LRRK2: variants seen among roughly 807,000 people sequenced by gnomAD.
LRRK2 encodes leucine-rich repeat serine/threonine-protein kinase 2.
In LRRK2, 203 loss-of-function variants were observed where a neutral mutation model predicts 302.6. The ratio of observed to expected loss-of-function variants is 0.67; its 90% CI spans 0.60 to 0.75. LRRK2 has a LOEUF of 0.75. LRRK2 is among the 30% of genes least tolerant of loss of function. LRRK2 has a pLI of 0.00. For synonymous variants in LRRK2, 1,066 were observed against 1,031.9 expected, an observed-to-expected ratio of 1.03 and a Z score of -0.63; for missense variants, 2,830 against 2,951.0, an observed-to-expected ratio of 0.96 and a Z score of 0.95.
chr12:40,295,742 T>C (rs559634727), intron 23 of LRRK2, 98 bp downstream of exon 23: 65 of 1,190,152 alleles, frequency 5.5e-5, no homozygotes, highest in Middle Eastern at 2.3e-4. Flanking sequence ...AACATTCTAC[T>C]TTTGTGTCAC....
intron 8 of LRRK2, among the ~76,000 whole-genome samples, chr12:40,250,547 G>A (rs774659542): frequency 6.6e-5 from 10 of 152,178 alleles, no homozygotes; most frequent in Non-Finnish European, 1.3e-4. Flanking sequence ...GGATGTGCAG[G>A]TTTTTCACAT....
chr12:40,318,514 G>GA (rs1324148206), intron 33 of LRRK2, among the ~76,000 whole-genome samples: 1 of 152,038 alleles, frequency 6.6e-6, no homozygotes, highest in Non-Finnish European at 1.5e-5. Flanking sequence ...CTATGATACA[G>GA]ATGAAGAAAT....
intron 20 of LRRK2, among the ~76,000 whole-genome samples, chr12:40,288,559 C>T (rs1555183199): frequency 6.6e-6 from 1 of 151,848 alleles, no homozygotes; most frequent in Non-Finnish European, 1.5e-5. Flanking sequence ...TGTTCTACCC[C>T]CACCAGCAGT....
chr12:40,269,127 C>T (rs904591285), intron 14 of LRRK2, among the ~76,000 whole-genome samples: 1 of 152,090 alleles, frequency 6.6e-6, no homozygotes, highest in African/African-American at 2.4e-5. Flanking sequence ...ATTAAAATGC[C>T]ATGTTTTCTG....
rs868475932 is a variant in LRRK2, at chr12:40,339,442, A to G, written c.5949-852A>G. ...CTCTTTGACCATGTTTCCAGAATGG[A>G]TAAGACCTGGTTGAGATGAAAACTT... On this transcript the variant is annotated intron_variant, in intron 40 of 50. Transcript: ENST00000298910. 3.3e-5 allele frequency among the ~76,000 whole-genome samples: 5 copies of G among 152,312 alleles called. No individual in the cohort carries two copies. The East Asian group carries it at 9.6e-4, about 29-fold the overall frequency.
intron 31 of LRRK2, 119 bp downstream of exon 31, chr12:40,310,768 G>A: frequency 1.0e-6 from 1 of 956,508 alleles, no homozygotes; most frequent in Non-Finnish European, 1.6e-6. Context: ...CCTTGTTGCT[G>A]TTAGCATTAT....
intron 46 of LRRK2, among the ~76,000 whole-genome samples, chr12:40,358,608 G>C (rs1028466213): frequency 6.6e-6 from 1 of 152,164 alleles, no homozygotes; most frequent in Non-Finnish European, 1.5e-5. Context: ...ATACTGTGCT[G>C]TTTTGGTTAC....
intron 20 of LRRK2, among the ~76,000 whole-genome samples, chr12:40,292,467 G>A (rs930915958): frequency 6.6e-6 from 1 of 151,728 alleles, no homozygotes; most frequent in African/African-American, 2.4e-5. Context: ...TACAAATAAT[G>A]TGCTAATAGA....
intron 38 of LRRK2, among the ~76,000 whole-genome samples, chr12:40,328,130 G>A (rs1035560192): frequency 1.7e-4 from 26 of 152,138 alleles, no homozygotes; most frequent in African/African-American, 6.3e-4. Context: ...TGACATAATT[G>A]AGCAGGGTAT....
intron 8 of LRRK2, among the ~76,000 whole-genome samples, 197 bp from the exon 9 acceptor site, chr12:40,251,035 T>G (rs1434057945): frequency 6.6e-6 from 1 of 151,608 alleles, no homozygotes; most frequent in Non-Finnish European, 1.5e-5. Flanking sequence ...CTTCCTCATT[T>G]TATTATTTAT....
chr12:40,365,573 T>G (rs981500201), intron 49 of LRRK2: 1 of 152,054 alleles, frequency 6.6e-6, no homozygotes, highest in African/African-American at 2.4e-5. Context: ...GATAAAATTG[T>G]GATAGCACAT....
intron 46 of LRRK2, among the ~76,000 whole-genome samples, chr12:40,358,761 T>A (rs1946617965): frequency 6.6e-6 from 1 of 152,096 alleles, no homozygotes; most frequent in Non-Finnish European, 1.5e-5. Context: ...CTGTGAGAAA[T>A]ATCATTGGAG....
At position 40,367,646 on chromosome 12, in the gene LRRK2, A is replaced by G. The variant is rs1187163348; in HGVS notation, c.7465A>G (p.Ile2489Val). Reference sequence around the variant, plus strand: ...ATTTCATTTTTTTCTTTTTCTAGAGATACAATCTTGCTTGACCGTTTGGGA... The same window carrying G: ...ATTTCATTTTTTTCTTTTTCTAGAGGTACAATCTTGCTTGACCGTTTGGGA... ...NTEGTQKQKE[I>V]QSCLTVWDIN... Residue 2489 changes from isoleucine to valine, a missense_variant and splice_region_variant, in exon 51 of 51, where the codon ATA becomes GTA. By Grantham distance (29) the Ile-to-Val change is conservative. Coordinates refer to ENST00000298910, the MANE Select transcript of LRRK2 (RefSeq NM_198578.4). 3 of 1,602,270 alleles carry G rather than the reference A, an allele frequency of 1.9e-6. No homozygotes were observed. In the Admixed American group the frequency reaches 5.1e-5, roughly 27 times the overall value.
chr12:40,359,468 A>T (rs1249693801), intron 47 of LRRK2, 24 bp downstream of exon 47: 9 of 1,597,000 alleles, frequency 5.6e-6, no homozygotes, highest in Non-Finnish European at 6.9e-6. Flanking sequence ...TATCTGTACA[A>T]GTAATTTATC....
intron 26 of LRRK2, among the ~76,000 whole-genome samples, chr12:40,303,659 T>C (rs1302734005): frequency 6.6e-6 from 1 of 152,058 alleles, no homozygotes. Context: ...GTTTAACTGT[T>C]CTAACTACTC....
At chr12:40,276,011 G>A (rs1943435270) in intron 16 of LRRK2, among the ~76,000 whole-genome samples, 1 of 152,142 alleles carries the variant, frequency 6.6e-6, no homozygotes, top group Non-Finnish European at 1.5e-5. Flanking sequence ...GAGAGAATAT[G>A]TGTAAAGTTT....
At chr12:40,343,430 A>C (rs764347892) in intron 41 of LRRK2, among the ~76,000 whole-genome samples, 39 of 152,214 alleles carry the variant, frequency 2.6e-4, no homozygotes, top group Non-Finnish European at 5.1e-4. Flanking sequence ...GGGTAAATAA[A>C]ATGTTACCGG....
chr12:40,306,862 G>C (rs1390411021), intron 28 of LRRK2, among the ~76,000 whole-genome samples: 7 of 152,088 alleles, frequency 4.6e-5, no homozygotes, highest in Admixed American at 3.9e-4. Context: ...TCCTGAGCTT[G>C]ATTTCATTTT....
rs111503579 is a variant in LRRK2 at position 40,320,119 on chromosome 12, A to G, written c.4959A>G (p.Leu1653=). 227 of 1,611,870 alleles carry G rather than the reference A, an allele frequency of 1.4e-4. 2 individuals carry two copies. In the East Asian group the frequency reaches 5.0e-3, roughly 35 times the overall value. ...KNYMSQYFKL[L]EKFQIALPIG... ...ACATGTCACAGTATTTTAAGCTCCT[A>G]GAAAAATTCCAGATTGCTTTGCCAA... The change falls in exon 34 of 51, where the codon CTA becomes CTG. Residue 1653 remains leucine, a synonymous_variant. Transcript: ENST00000298910.
Sources: gnomAD v4.1 joint callset for allele counts (sites outside exome capture counted in the v4.1 genomes callset) on GRCh38, gnomAD v4.1.1 for gene constraint, MANE v1.5 for transcripts, NCBI Gene and HGNC (gene_info 2026-07-23, HGNC 2026-07-21) for gene names.